BTAF1: variants seen among roughly 807,000 people sequenced by gnomAD.
BTAF1 encodes TATA-binding protein-associated factor 172.
In BTAF1, 38 loss-of-function variants were observed where a neutral mutation model predicts 227.1. The observed-to-expected ratio is 0.17, with a 90% CI of 0.13 to 0.22. The LOEUF (loss-of-function observed/expected upper bound fraction) is 0.22. Among genes scored for constraint, BTAF1 ranks in the 10% least tolerant of loss-of-function variants. The pLI, the probability that BTAF1 is intolerant of heterozygous loss-of-function variation, is 1.00. For synonymous variants in BTAF1, 742 were observed against 751.9 expected (o/e 0.99, Z 0.21); for missense variants, 1,598 against 2,204.0 (o/e 0.73, Z 5.51).
intron 25 of BTAF1, among the ~76,000 whole-genome samples, chr10:92,007,594 A>G (rs376377075): frequency 2.2e-4 from 34 of 152,236 alleles, no homozygotes; most frequent in East Asian, 1.5e-3. Context: ...AAATATGACT[A>G]CTAGCACATT....
At chr10:91,938,791 T>A (rs1020671594) in intron 2 of BTAF1, among the ~76,000 whole-genome samples, 2 of 152,184 alleles carry the variant, frequency 1.3e-5, no homozygotes, top group African/African-American at 2.4e-5. Flanking sequence ...GAGGCTGCAG[T>A]GTGCTATGAT....
intron 25 of BTAF1, among the ~76,000 whole-genome samples, chr10:92,000,615 A>G (rs576760757): frequency 3.3e-5 from 5 of 152,084 alleles, no homozygotes; most frequent in African/African-American, 2.4e-5. Flanking sequence ...CTGGAGTGCA[A>G]TGGTGTGATC....
intron 14 of BTAF1, among the ~76,000 whole-genome samples, chr10:91,967,993 A>T: frequency 6.6e-6 from 1 of 152,176 alleles, no homozygotes; most frequent in South Asian, 2.1e-4. Flanking sequence ...CTTATTGTTA[A>T]CATCTTGCAT....
intron 35 of BTAF1, among the ~76,000 whole-genome samples, chr10:92,026,106 A>G (rs1851496716): frequency 6.6e-6 from 1 of 152,184 alleles, no homozygotes; most frequent in Non-Finnish European, 1.5e-5. Context: ...GTAGCTTGGT[A>G]GCTGCTATTT....
chr10:91,985,384 T>C (rs2133996959), intron 19 of BTAF1, among the ~76,000 whole-genome samples: 1 of 152,294 alleles, frequency 6.6e-6, no homozygotes. Context: ...TAAGCCATTC[T>C]CCCGTTTATG....
intron 28 of BTAF1, among the ~76,000 whole-genome samples, chr10:92,010,811 T>C (rs767770906): frequency 5.3e-5 from 8 of 152,222 alleles, no homozygotes; most frequent in Non-Finnish European, 7.3e-5. Flanking sequence ...AAAGGAATAG[T>C]GCCCCTAAGG....
intron 2 of BTAF1, among the ~76,000 whole-genome samples, chr10:91,939,298 T>TA (rs1844842926): frequency 6.6e-6 from 1 of 152,214 alleles, no homozygotes; most frequent in Admixed American, 6.5e-5. Context: ...TCTTATATCT[T>TA]ACAACCATAC....
At chr10:92,007,307 C>T (rs1353428921) in intron 25 of BTAF1, among the ~76,000 whole-genome samples, 1 of 147,184 alleles carries the variant, frequency 6.8e-6, no homozygotes, top group African/African-American at 2.5e-5. Context: ...CAACATCTAC[C>T]TCCCAGGTTC....
At chr10:91,935,595 C>G (rs988984855) in intron 1 of BTAF1, 62 bp from the exon 2 acceptor site, 5 of 1,571,128 alleles carry the variant, frequency 3.2e-6, no homozygotes, top group Non-Finnish European at 4.4e-6. Context: ...CGTTTATTGA[C>G]TTAAACTTGT....
Position 91,926,977 on chromosome 10 carries a change from C to G in BTAF1, c.14+2887C>G, listed in dbSNP as rs577009137. Among the ~76,000 whole-genome samples, 5 of 152,162 alleles carry G rather than the reference C, an allele frequency of 3.3e-5. No individual in the cohort carries two copies. The South Asian group carries it at 8.3e-4, about 25-fold the overall frequency. On this transcript the variant is annotated intron_variant, in intron 1 of 37. Coordinates refer to ENST00000265990, the MANE Select transcript of BTAF1 (RefSeq NM_003972.3). ...GGTTCCTGTGTCATCTTTTTAGATT[C>G]ATCTTGTGTCAACTTCTCTGTACTT... is the stretch of plus-strand genomic sequence containing the variant.
chr10:92,028,758 TA>T (rs777399020), intron 37 of BTAF1, 31 bp from the exon 38 acceptor site: 38 of 1,538,886 alleles, frequency 2.5e-5, no homozygotes, highest in Middle Eastern at 1.7e-4. Context: ...CCTCTCATTT[TA>T]TTTTTTTTTT....
chr10:91,976,946 A>G (rs920508947), intron 14 of BTAF1, among the ~76,000 whole-genome samples: 1 of 152,158 alleles, frequency 6.6e-6, no homozygotes. Flanking sequence ...AGAAGACACT[A>G]TTGGATCCTA....
chr10:91,958,194 G>T (rs548961677), intron 8 of BTAF1, among the ~76,000 whole-genome samples: 2 of 152,114 alleles, frequency 1.3e-5, no homozygotes, highest in East Asian at 3.9e-4. Flanking sequence ...GACTACAGGT[G>T]CGTGCCACCA....
At chr10:91,935,500 T>C (rs1844547846) in intron 1 of BTAF1, among the ~76,000 whole-genome samples, 157 bp from the exon 2 acceptor site, 1 of 152,238 alleles carries the variant, frequency 6.6e-6, no homozygotes, top group African/African-American at 2.4e-5. Flanking sequence ...CATTTATCTT[T>C]CTGTGTCTGG....
intron 6 of BTAF1, among the ~76,000 whole-genome samples, chr10:91,955,111 A>G (rs1251516244): frequency 6.6e-6 from 1 of 152,242 alleles, no homozygotes; most frequent in Non-Finnish European, 1.5e-5. Flanking sequence ...CTTTAACTGC[A>G]AACTTTTTAT....
chr10:91,926,490 C>T (rs994793405), intron 1 of BTAF1, among the ~76,000 whole-genome samples: 1 of 152,176 alleles, frequency 6.6e-6, no homozygotes, highest in Non-Finnish European at 1.5e-5. Flanking sequence ...TATATTCTGC[C>T]TTTCTAATCT....
chr10:91,952,761 ACAG>A (rs1201797428), intron 5 of BTAF1, among the ~76,000 whole-genome samples: 4 of 152,222 alleles, frequency 2.6e-5, no homozygotes, highest in Non-Finnish European at 4.4e-5. Context: ...AGGCCAGAAT[ACAG>A]CAACACCCTG....
At chr10:91,971,594 C>T (rs1478107489) in intron 14 of BTAF1, among the ~76,000 whole-genome samples, 1 of 151,776 alleles carries the variant, frequency 6.6e-6, no homozygotes, top group Non-Finnish European at 1.5e-5. Context: ...TCCTCAGCCT[C>T]CTGAGTAGCT....
At chr10:91,956,875 A>T (rs560083736) in intron 7 of BTAF1, among the ~76,000 whole-genome samples, 2 of 152,098 alleles carry the variant, frequency 1.3e-5, no homozygotes, top group South Asian at 4.1e-4. Context: ...CTGTAATCCC[A>T]GCTACTTGGG....
Sources: gnomAD v4.1 joint callset for allele counts (sites outside exome capture counted in the v4.1 genomes callset) on GRCh38, gnomAD v4.1.1 for gene constraint, MANE v1.5 for transcripts, NCBI Gene and HGNC (gene_info 2026-07-23, HGNC 2026-07-21) for gene names.